Variants in CLCN7 observed in about 807,000 individuals in gnomAD.
The protein encoded by CLCN7 is Cl-/H+ antiporter 7.
CLCN7 carries 60 observed loss-of-function variants against 102.1 expected under a neutral mutation model. That is an observed-to-expected ratio of 0.59 (90% CI 0.48 to 0.73). The LOEUF is 0.73. Among genes scored for constraint, CLCN7 ranks in the 30% least tolerant of loss-of-function variants. The pLI, the probability that CLCN7 is intolerant of heterozygous loss-of-function variation, is 0.00. For missense variants in CLCN7, 962 were observed against 1,125.7 expected (o/e 0.85, Z 2.08); for synonymous variants, 560 against 490.5 (o/e 1.14, Z -1.87).
intron 19 of CLCN7, 100 bp from the exon 20 acceptor site, chr16:1,448,866 G>A (rs772933094): frequency 5.6e-6 from 9 of 1,597,842 alleles, no homozygotes; most frequent in African/African-American, 1.3e-5. Flanking sequence ...CAGAAACCCT[G>A]AGCCTACCCC....
intron 1 of CLCN7, among the ~76,000 whole-genome samples, chr16:1,466,365 GA>G (rs1188868991): frequency 6.6e-6 from 1 of 152,216 alleles, no homozygotes; most frequent in Non-Finnish European, 1.5e-5. Context: ...GCAGGGCCTG[GA>G]AGTGCTTCTT....
At chr16:1,449,647 C>T (rs958196692) in intron 17 of CLCN7, 8 of 416,780 alleles carry the variant, frequency 1.9e-5, no homozygotes, top group African/African-American at 1.1e-4. Context: ...CCGGCACACA[C>T]GACACAGAGA....
At chr16:1,471,611 G>C (rs960022367) in intron 1 of CLCN7, 1 of 152,224 alleles carries the variant, frequency 6.6e-6, no homozygotes, top group African/African-American at 2.4e-5. Context: ...TAACACGACC[G>C]GGCACGACTC....
chr16:1,446,530 G>T lies in CLCN7; in HGVS notation c.*101C>A, dbSNP rs1284343639. 8.9e-7 allele frequency: 1 copy of T among 1,124,464 alleles called. No individual in the cohort carries two copies. Among genetic ancestry groups the T allele is most frequent in the Non-Finnish European group, 1.3e-6 (1 of 762,558 alleles). The allele number at this position is 1,124,464 out of a possible 1,614,324, so 69.7% of individuals were successfully genotyped here. ...CTGCAGGGTGCTCGCCATTGCCACT[G>T]CTGGGGAGCATGGTTTGGGCCGAGA... On this transcript the variant is annotated 3_prime_UTR_variant, in exon 25 of 25. Coordinates refer to ENST00000382745, the MANE Select transcript of CLCN7 (RefSeq NM_001287.6).
Position 1,449,303 on chromosome 16 carries a change from C to T in CLCN7, c.1642G>A (p.Ala548Thr), listed in dbSNP as rs1237646633. 10 of 1,588,398 alleles carry T rather than the reference C, an allele frequency of 6.3e-6. No individual in the cohort carries two copies. Among genetic ancestry groups the T allele is most frequent in the South Asian group, 3.4e-5 (3 of 87,474 alleles). The change falls in exon 18 of 25, where the codon GCC (alanine) becomes ACC (threonine). Residue 548 changes from alanine (A) to threonine (T), a missense_variant. Coordinates refer to ENST00000382745, the MANE Select transcript of CLCN7 (RefSeq NM_001287.6). ...AAIWADPGKYALMGAAAQLGG... is the reference protein window; with the variant it reads ...AAIWADPGKYTLMGAAAQLGG... The stretch of plus-strand genomic sequence containing the variant: ...AGCTGGGCAGCAGCTCCCATCAGGG[C>T]GTATTTGCCGGGGTCCGCCCAGATC...
rs2038861459 is a variant in CLCN7 at position 1,457,788 on chromosome 16, G to A, written c.676-32C>T. 21 of 1,601,346 alleles carry A rather than the reference G, an allele frequency of 1.3e-5. No individual in the cohort carries two copies. Among genetic ancestry groups the A allele is most frequent in the Non-Finnish European group, 1.7e-5 (20 of 1,168,948 alleles). ...CACAGGGAGACGCATGGCCTCTGAT[G>A]AAAAGGCAGGCGCTGTCTTTGGACC... On this transcript the variant is annotated intron_variant, in intron 7 of 24. Transcript: ENST00000382745. The surrounding 1 kb of genome is among the most constrained non-coding windows in gnomAD (Gnocchi z 5.4).
intron 14 of CLCN7, 56 bp downstream of exon 14, chr16:1,453,778 A>G (rs906745636): frequency 2.5e-5 from 39 of 1,542,078 alleles, no homozygotes; most frequent in Non-Finnish European, 3.3e-5. Flanking sequence ...GTCCGCTTTC[A>G]AAGGGCCTGT....
In CLCN7 at chr16:1,451,920, A is replaced by T; in HGVS notation, c.1354-204T>A. ...AGGCCCAAGCCATGGTCACGGAGGG[A>T]AAGGAGGACACACACGGCCTAGGCC... On this transcript the variant is annotated intron_variant, in intron 15 of 24. Transcript: ENST00000382745. 7 of 596,774 alleles carry T rather than the reference A, an allele frequency of 1.2e-5. No individual in the cohort carries two copies. In the South Asian group the frequency reaches 1.2e-4, roughly 11 times the overall value. The allele number at this position is 596,774 out of a possible 1,614,324, so 37.0% of individuals were successfully genotyped here. A position where few individuals can be genotyped will look rare whatever the true frequency, so the allele number is the denominator to read the frequency against.
chr16:1,460,600 A>T, intron 5 of CLCN7, 73 bp from the exon 6 acceptor site: 1 of 1,374,226 alleles, frequency 7.3e-7, no homozygotes, highest in African/African-American at 1.4e-5. Context: ...CCTGCCCCAC[A>T]GACCAGCCTG....
intron 4 of CLCN7, 105 bp downstream of exon 4, chr16:1,461,300 G>GCT: frequency 1.0e-6 from 1 of 983,178 alleles, no homozygotes; most frequent in Non-Finnish European, 1.6e-6. Context: ...GTCAGAGGAG[G>GCT]AGGGAGGAGG....
At chr16:1,449,375 A>G (rs1457524091) in intron 17 of CLCN7, 48 bp from the exon 18 acceptor site, 1 of 1,546,078 alleles carries the variant, frequency 6.5e-7, no homozygotes, top group Non-Finnish European at 8.8e-7. Flanking sequence ...GCAGGCCCAA[A>G]CCCACCAAGA....
chr16:1,465,440 C>T (rs908517778), intron 1 of CLCN7, 102 bp from the exon 2 acceptor site: 22 of 1,090,040 alleles, frequency 2.0e-5, no homozygotes, highest in Admixed American at 9.9e-5. Context: ...TGACCCTGCC[C>T]GGGAGCTCAG....
intron 2 of CLCN7, among the ~76,000 whole-genome samples, chr16:1,463,045 GGGAGACAGACA>G (rs1481222811): frequency 3.3e-5 from 5 of 152,150 alleles, no homozygotes; most frequent in Admixed American, 6.5e-5. Context: ...CCAGCTACTT[GGGAGACAGACA>G]GGAGGCAGAG....
rs1403989876 is a variant in CLCN7, at chr16:1,445,822, G to A, written c.*809C>T. 5 of 168,618 alleles carry A rather than the reference G, an allele frequency of 3.0e-5. No individual in the cohort carries two copies. The highest frequency in any genetic ancestry group is 9.6e-5 in the African/African-American group (4 of 41,730). The allele number at this position is 168,618 out of a possible 1,614,324, so 10.4% of individuals were successfully genotyped here. A position where few individuals can be genotyped will look rare whatever the true frequency, so the allele number is the denominator to read the frequency against. On this transcript the variant is annotated 3_prime_UTR_variant, in exon 25 of 25. Coordinates refer to ENST00000382745, the MANE Select transcript of CLCN7 (RefSeq NM_001287.6). ...TGCCTTCCCAGCCAGTGTCCACAGG[G>A]CAGCAATTCCACGCTCTGAGGCTCA...
chr16:1,466,811 G>A (rs1456526363), intron 1 of CLCN7: 2 of 151,586 alleles, frequency 1.3e-5, no homozygotes, highest in African/African-American at 2.4e-5. Flanking sequence ...AAAGTAGGCG[G>A]GCTACTTGGG....
rs116495246 is a variant in CLCN7 at position 1,459,097 on chromosome 16, G to A, written c.675+10C>T. ...CCCACCCTGCCCAGCCAGGGCCACC[G>A]CACCCTCACCTTGAGCCGCACCACG... On this transcript the variant is annotated intron_variant, in intron 7 of 24. Coordinates refer to ENST00000382745, the MANE Select transcript of CLCN7 (RefSeq NM_001287.6). 1,343 of 1,603,638 alleles carry A rather than the reference G, an allele frequency of 8.4e-4. 6 individuals are homozygous for A. In the African/African-American group the frequency reaches 0.014, roughly 17 times the overall value.
chr16:1,447,348 G>C (rs1014722220), intron 23 of CLCN7, 44 bp downstream of exon 23: 2 of 1,519,674 alleles, frequency 1.3e-6, no homozygotes, highest in East Asian at 2.5e-5. Flanking sequence ...ACCCCCTGCT[G>C]TTCAGTCCCA....
chr16:1,447,301 C>T (rs905533562), intron 23 of CLCN7, 91 bp downstream of exon 23: 2 of 1,280,900 alleles, frequency 1.6e-6, no homozygotes, highest in African/African-American at 1.5e-5. Flanking sequence ...TCCGCTGTGG[C>T]CCCCCCCGGC....
chr16:1,464,607 G>T (rs2038980033), intron 2 of CLCN7, among the ~76,000 whole-genome samples: 1 of 152,248 alleles, frequency 6.6e-6, no homozygotes, highest in Admixed American at 6.5e-5. Flanking sequence ...CGGACAGGTG[G>T]ACTGTGAGAT....
Sources: gnomAD v4.1 joint callset for allele counts (sites outside exome capture counted in the v4.1 genomes callset) on GRCh38, gnomAD v4.1.1 for gene constraint, Gnocchi (gnomAD v3.1) non-coding constraint, MANE v1.5 for transcripts, NCBI Gene and HGNC (gene_info 2026-07-23, HGNC 2026-07-21) for gene names.